HTR3C: variants seen among roughly 807,000 people sequenced by gnomAD.
The protein encoded by HTR3C is 5-hydroxytryptamine receptor 3C.
In HTR3C, 32 loss-of-function variants were observed where a neutral mutation model predicts 40.5. The observed-to-expected ratio is 0.79, with a 90% CI of 0.60 to 1.06. The LOEUF is 1.06. HTR3C is among the 50% of genes least tolerant of loss of function. HTR3C has a pLI of 0.00. For synonymous variants in HTR3C, 209 were observed against 217.1 expected (o/e 0.96, Z 0.33); for missense variants, 523 against 556.8 (o/e 0.94, Z 0.61).
rs762138729 is a variant in HTR3C at position 184,055,314 on chromosome 3, T to C, written c.237T>C (p.Asp79=). The C allele has an allele frequency of 6.2e-6, 10 of 1,609,102 alleles. No individual in the cohort carries two copies. The South Asian group carries it at 9.9e-5, about 16-fold the overall frequency. The change falls in exon 3 of 9, where the codon GAT becomes GAC. Residue 79 remains aspartate, a splice_region_variant and synonymous_variant. Transcript: ENST00000318351. The part of the protein sequence containing the change: ...SFTLSAILGV[D]AQLQLLTSFL... ...CTGAGTGGAAATTTCCTTGTCAGGA[T>C]GCACAGCTCCAGCTGCTGACATCAT...
At chr3:184,059,672 G>A in intron 7 of HTR3C, 32 bp downstream of exon 7, 1 of 1,611,380 alleles carries the variant, frequency 6.2e-7, no homozygotes, top group Non-Finnish European at 8.5e-7. Flanking sequence ...GGAGGAGAAA[G>A]GGCACCCGGG....
intron 1 of HTR3C, among the ~76,000 whole-genome samples, chr3:184,053,608 A>G (rs536755374): frequency 6.6e-6 from 1 of 152,318 alleles, no homozygotes; most frequent in South Asian, 2.1e-4. Flanking sequence ...TTATGGAAAG[A>G]GATGGAGATA....
In HTR3C at chr3:184,060,223, A is replaced by G; in HGVS notation, c.1215A>G (p.Gly405=). The part of the protein sequence containing the change: ...PRETEPDGGS[G]WTKTQLMELW... ...AGACCGAGCCAGATGGGGGCTCAGGATGGACAAAGACCCAGCTAATGGAGC... is the reference window on the plus strand; with the variant it reads ...AGACCGAGCCAGATGGGGGCTCAGGGTGGACAAAGACCCAGCTAATGGAGC... Residue 405 remains glycine, a synonymous_variant, in exon 9 of 9, where the codon GGA becomes GGG. Transcript: ENST00000318351. 2 of 1,614,116 alleles carry G rather than the reference A, an allele frequency of 1.2e-6. No homozygotes were observed. Among genetic ancestry groups the G allele is most frequent in the South Asian group, 2.2e-5 (2 of 91,084 alleles).
chr3:184,057,673 T>C (rs569405441), intron 5 of HTR3C, among the ~76,000 whole-genome samples: 1 of 152,188 alleles, frequency 6.6e-6, no homozygotes, highest in Non-Finnish European at 1.5e-5. Context: ...AGGTGGAGGT[T>C]GCAGTGAGCC....
At position 184,053,061 on chromosome 3, in the gene HTR3C, A is replaced by C. The variant is rs1723256303; in HGVS notation, c.-20A>C. On this transcript the variant is annotated 5_prime_UTR_variant, in exon 1 of 9. Coordinates refer to ENST00000318351, the MANE Select transcript of HTR3C (RefSeq NM_130770.3). ...TTGGGAGCTCCTGGTGAATCCCCAG[A>C]GAAGAGTCCAGAAAGAAGAATGGAA... 2 of 1,604,002 alleles carry C rather than the reference A, an allele frequency of 1.2e-6. No homozygotes were observed. Among genetic ancestry groups the C allele is most frequent in the African/African-American group, 2.7e-5 (2 of 74,804 alleles).
Position 184,058,415 on chromosome 3 carries a change from C to T in HTR3C, c.560-12C>T, listed in dbSNP as rs770568392. The T allele has an allele frequency of 3.1e-6, 5 of 1,589,854 alleles. No homozygotes were observed. In the East Asian group the frequency reaches 9.3e-5, roughly 30 times the overall value. ...AAAACGTCTGCAATGAACTGACCGG[C>T]CTCCCTTCCAGTGGACAGCATGCTG... On this transcript the variant is annotated splice_polypyrimidine_tract_variant and intron_variant, in intron 5 of 8. Transcript: ENST00000318351.
chr3:184,058,201 A>G (rs1723368593), intron 5 of HTR3C, among the ~76,000 whole-genome samples: 1 of 152,198 alleles, frequency 6.6e-6, no homozygotes, highest in Admixed American at 6.5e-5. Flanking sequence ...ATATTCCCAT[A>G]ACGAACTTGA....
chr3:184,059,851 T>C lies in HTR3C; in HGVS notation c.949T>C (p.Ser317Pro), dbSNP rs753704807. The C allele has an allele frequency of 6.2e-7, 1 of 1,614,032 alleles. No individual in the cohort carries two copies. The highest frequency in any genetic ancestry group is 2.2e-5 in the East Asian group (1 of 44,872). ...LISVYFALCL[S>P]LMVVSLLETV... ...AGGTGTCTACTTCGCCCTGTGCCTG[T>C]CCCTGATGGTGGTCAGCCTGCTGGA... The change falls in exon 8 of 9, where the codon TCC (serine) becomes CCC (proline). Residue 317 changes from serine (S) to proline (P), a missense_variant. Physicochemically the swap from Ser to Pro is moderately conservative, Grantham distance 74. Coordinates refer to ENST00000318351, the MANE Select transcript of HTR3C (RefSeq NM_130770.3).
rs375164093 is a variant in HTR3C, at chr3:184,056,893, G to A, written c.408G>A (p.Thr136=). The A allele has an allele frequency of 2.5e-5, 40 of 1,609,022 alleles. No homozygotes were observed. The highest frequency in any genetic ancestry group is 3.3e-4 in the Middle Eastern group (2 of 5,990). The change falls in exon 5 of 9, where the codon ACG becomes ACA. Residue 136 remains threonine (T), a synonymous_variant. Coordinates refer to ENST00000318351, the MANE Select transcript of HTR3C (RefSeq NM_130770.3). ...FIVESMDVDQ[T]PSGLTAYISS... is the part of the protein sequence containing the mutation. ...CAAACAGCATGGATGTGGATCAGAC[G>A]CCTTCCGGTCTCACTGCCTATATCA...
intron 2 of HTR3C, 96 bp from the exon 3 acceptor site, chr3:184,055,216 T>C: frequency 2.3e-6 from 2 of 866,094 alleles, no homozygotes; most frequent in Non-Finnish European, 3.9e-6. Flanking sequence ...CAACAATGCC[T>C]GGCCCAATAA....
At position 184,059,512 on chromosome 3, in the gene HTR3C, C is replaced by T. The variant is rs746790288; in HGVS notation, c.797C>T (p.Ala266Val). ...AGTAGCTTTCTGGTTGCCATTGATG[C>T]CCTCAGCTTCTACCTGCCAGCAGAG... ...VPSSFLVAIDALSFYLPAESE... is the reference protein window; with the variant it reads ...VPSSFLVAIDVLSFYLPAESE... Residue 266 changes from alanine (A) to valine (V), a missense_variant, in exon 7 of 9, where the codon GCC (alanine) becomes GTC (valine). Coordinates refer to ENST00000318351, the MANE Select transcript of HTR3C (RefSeq NM_130770.3). 4.3e-6 allele frequency: 7 copies of T among 1,614,150 alleles called. No individual in the cohort carries two copies. The South Asian group carries it at 6.6e-5, about 15-fold the overall frequency.
chr3:184,058,799 AT>A (rs1723383563), intron 6 of HTR3C, among the ~76,000 whole-genome samples: 3 of 152,010 alleles, frequency 2.0e-5, no homozygotes, highest in African/African-American at 7.2e-5. Flanking sequence ...CCCGTCTCTA[AT>A]TTAAAAAACA....
chr3:184,055,239 T>C, intron 2 of HTR3C, 73 bp from the exon 3 acceptor site: 2 of 977,670 alleles, frequency 2.0e-6, no homozygotes, highest in South Asian at 1.3e-5. Context: ...TAGTAAATAT[T>C]GGTGGGAATA....
rs149139693 is a variant in HTR3C at position 184,054,081 on chromosome 3, T to C, written c.68-640T>C. On this transcript the variant is annotated intron_variant, in intron 1 of 8. Coordinates refer to ENST00000318351, the MANE Select transcript of HTR3C (RefSeq NM_130770.3). ...CGGCCTCACTTTGTGACTGAACAAATGCTGTATGCTCAGTGATGTCACCTC... is the reference window on the plus strand; with the variant it reads ...CGGCCTCACTTTGTGACTGAACAAACGCTGTATGCTCAGTGATGTCACCTC... 6.0e-4 allele frequency among the ~76,000 whole-genome samples: 92 copies of C among 152,282 alleles called. No homozygotes were observed. In the South Asian group the frequency reaches 6.6e-3, roughly 11 times the overall value.
rs1723401397 is a variant in HTR3C, at chr3:184,059,590, T to C, written c.875T>C (p.Phe292Ser). 6.2e-7 allele frequency: 1 copy of C among 1,613,950 alleles called. No homozygotes were observed. Among genetic ancestry groups the C allele is most frequent in the Non-Finnish European group, 8.5e-7 (1 of 1,180,002 alleles). Residue 292 changes from phenylalanine (F) to serine (S), a missense_variant, in exon 7 of 9, where the codon TTC becomes TCC. Coordinates refer to ENST00000318351, the MANE Select transcript of HTR3C (RefSeq NM_130770.3). ...ACACTTCTGCTGGGCTACAACGTCTTCCTGCTCATGATGAATGACTTGCTC... is the reference window on the plus strand; with the variant it reads ...ACACTTCTGCTGGGCTACAACGTCTCCCTGCTCATGATGAATGACTTGCTC... ...KITLLLGYNV[F>S]LLMMNDLLPA... is the part of the protein sequence containing the mutation.
intron 7 of HTR3C, 41 bp from the exon 8 acceptor site, chr3:184,059,787 A>G (rs1034810550): frequency 6.2e-7 from 1 of 1,608,848 alleles, no homozygotes; most frequent in Non-Finnish European, 8.5e-7. Context: ...ATGCTTAGAG[A>G]TAAATTTGCC....
Position 184,054,742 on chromosome 3 carries a change from T to C in HTR3C, c.89T>C (p.Ile30Thr). Residue 30 changes from isoleucine to threonine, a missense_variant, in exon 2 of 9, where the codon ATC becomes ACC. Ile to Thr is a moderately conservative substitution (Grantham distance 89, BLOSUM62 -1). Coordinates refer to ENST00000318351, the MANE Select transcript of HTR3C (RefSeq NM_130770.3). Reference protein sequence around the residue: ...LLQGRGDAFTINCSGFDQHGV... With the variant: ...LLQGRGDAFTTNCSGFDQHGV... ...ATAGGAAGAGGCGACGCTTTTACCA[T>C]CAATTGCTCAGGCTTTGACCAGCAT... 1 of 1,602,452 alleles carries C rather than the reference T, an allele frequency of 6.2e-7. No individual in the cohort carries two copies. The highest frequency in any genetic ancestry group is 1.1e-5 in the South Asian group (1 of 89,412).
intron 5 of HTR3C, among the ~76,000 whole-genome samples, chr3:184,057,578 C>T (rs547590517): frequency 3.6e-4 from 55 of 151,988 alleles, no homozygotes; most frequent in African/African-American, 1.3e-3. Context: ...ACTAAATATA[C>T]AAAAAATTAG....
chr3:184,054,737 T>C lies in HTR3C; in HGVS notation c.84T>C (p.Phe28=), dbSNP rs138478768. The part of the protein sequence containing the change: ...SLLLQGRGDA[F]TINCSGFDQH... ...TCTCTATAGGAAGAGGCGACGCTTT[T>C]ACCATCAATTGCTCAGGCTTTGACC... The change falls in exon 2 of 9, where the codon TTT becomes TTC. Residue 28 remains phenylalanine, a synonymous_variant. Transcript: ENST00000318351. The C allele has an allele frequency of 1.7e-4, 276 of 1,601,056 alleles. 2 individuals are homozygous for C. The South Asian group carries it at 2.4e-3, about 14-fold the overall frequency.
Sources: allele counts gnomAD v4.1 joint callset (sites outside exome capture counted in the v4.1 genomes callset), GRCh38; gene constraint gnomAD v4.1.1; transcripts MANE v1.5; gene names NCBI Gene and HGNC (gene_info 2026-07-23, HGNC 2026-07-21).